The following ZNF521 variants were observed in gnomAD, a reference collection of about 807,000 sequenced individuals.
ZNF521 encodes the protein LYST-interacting protein 3.
ZNF521 carries 14 observed loss-of-function variants against 105.5 expected under a neutral mutation model. The ratio of observed to expected loss-of-function variants is 0.13; its 90% CI spans 0.09 to 0.21. The LOEUF (loss-of-function observed/expected upper bound fraction) is 0.21, where lower values mean the gene tolerates loss of function less well. Among genes scored for constraint, ZNF521 ranks in the 10% least tolerant of loss-of-function variants. The pLI is 1.00. For missense variants in ZNF521, 1,233 were observed against 1,629.7 expected, an observed-to-expected ratio of 0.76 and a Z score of 4.19; for synonymous variants, 635 against 606.0, an observed-to-expected ratio of 1.05 and a Z score of -0.70.
At chr18:25,143,684 A>G (rs1451459447) in intron 5 of ZNF521, among the ~76,000 whole-genome samples, 1 of 152,172 alleles carries the variant, frequency 6.6e-6, no homozygotes, top group Non-Finnish European at 1.5e-5. Flanking sequence ...TATTATTTAA[A>G]AATTTAAAAA....
intron 5 of ZNF521, among the ~76,000 whole-genome samples, chr18:25,114,912 T>C (rs938253159): frequency 1.3e-5 from 2 of 152,254 alleles, no homozygotes; most frequent in African/African-American, 4.8e-5. Context: ...AGAAAATGTA[T>C]GTGCAACGTA....
intron 3 of ZNF521, among the ~76,000 whole-genome samples, chr18:25,258,542 C>CT: frequency 6.6e-6 from 1 of 152,120 alleles, no homozygotes. Flanking sequence ...AAAAGAATAG[C>CT]TTCCCAAGAA....
intron 4 of ZNF521, among the ~76,000 whole-genome samples, chr18:25,197,405 TTTTC>T (rs2035920936): frequency 6.6e-6 from 1 of 151,792 alleles, no homozygotes; most frequent in African/African-American, 2.4e-5. Flanking sequence ...GTGTTAAGGG[TTTTC>T]TTTTTAAAGC....
intron 7 of ZNF521, among the ~76,000 whole-genome samples, chr18:25,064,824 A>G (rs1238690512): frequency 6.6e-6 from 1 of 152,200 alleles, no homozygotes; most frequent in African/African-American, 2.4e-5. Flanking sequence ...TTTGAAAAAG[A>G]TGGATGACAA....
At chr18:25,072,042 G>A (rs2033238477) in intron 7 of ZNF521, among the ~76,000 whole-genome samples, 1 of 152,220 alleles carries the variant, frequency 6.6e-6, no homozygotes, top group Non-Finnish European at 1.5e-5. Flanking sequence ...TGGTGGAGCT[G>A]CAGATATGTC....
At chr18:25,103,687 G>A in intron 5 of ZNF521, among the ~76,000 whole-genome samples, 1 of 151,092 alleles carries the variant, frequency 6.6e-6, no homozygotes, top group South Asian at 2.1e-4. Flanking sequence ...AGTTCCTTCT[G>A]CTGTTTTCTG....
chr18:25,283,926 C>CT (rs1303545978), intron 3 of ZNF521, among the ~76,000 whole-genome samples: 1 of 139,818 alleles, frequency 7.2e-6, no homozygotes, highest in Non-Finnish European at 1.6e-5. Context: ...ATACTTTCCC[C>CT]CCCCCCCAAA....
intron 4 of ZNF521, among the ~76,000 whole-genome samples, chr18:25,211,825 T>A (rs1470193734): frequency 6.6e-6 from 1 of 152,232 alleles, no homozygotes; most frequent in Admixed American, 6.5e-5. Context: ...TTCTTTTATT[T>A]TACTAAAAGG....
At chr18:25,336,895 A>G (rs1913921166) in intron 2 of ZNF521, among the ~76,000 whole-genome samples, 1 of 152,228 alleles carries the variant, frequency 6.6e-6, no homozygotes, top group Non-Finnish European at 1.5e-5. Flanking sequence ...TATCTACCAG[A>G]CACTATTCTA....
intron 3 of ZNF521, among the ~76,000 whole-genome samples, chr18:25,316,759 G>C (rs145018798): frequency 1.3e-5 from 2 of 149,238 alleles, no homozygotes; most frequent in East Asian, 3.9e-4. Flanking sequence ...CCTTCCCAAA[G>C]AAATAATCCT....
chr18:25,303,743 T>C (rs540544312), intron 3 of ZNF521, among the ~76,000 whole-genome samples: 1 of 152,270 alleles, frequency 6.6e-6, no homozygotes, highest in Non-Finnish European at 1.5e-5. Flanking sequence ...GGGCCCAAAC[T>C]CACACTTGGT....
At chr18:25,142,957 T>C (rs900813141) in intron 5 of ZNF521, among the ~76,000 whole-genome samples, 15 of 152,170 alleles carry the variant, frequency 9.9e-5, no homozygotes, top group African/African-American at 3.6e-4. Flanking sequence ...TCCAAAGATA[T>C]TAATCTGACT....
intron 3 of ZNF521, among the ~76,000 whole-genome samples, chr18:25,316,739 G>C (rs913854506): frequency 6.6e-6 from 1 of 151,200 alleles, no homozygotes; most frequent in Admixed American, 6.6e-5. Context: ...TTTGCCTCCC[G>C]AATCTACCAC....
chr18:25,308,659 C>A (rs111743687), intron 3 of ZNF521, among the ~76,000 whole-genome samples: 9,173 of 145,080 alleles, frequency 0.063, 529 homozygotes, highest in African/African-American at 0.098. Context: ...TCCCCCCCCC[C>A]CCACCCGCCA....
chr18:25,078,954 C>T (rs781480801), intron 7 of ZNF521, among the ~76,000 whole-genome samples: 6 of 152,228 alleles, frequency 3.9e-5, no homozygotes, highest in Non-Finnish European at 7.3e-5. Context: ...TGACCCTCTG[C>T]CGGCTCTGGG....
intron 4 of ZNF521, among the ~76,000 whole-genome samples, chr18:25,223,613 A>G (rs1439589146): frequency 2.6e-5 from 4 of 152,138 alleles, no homozygotes; most frequent in African/African-American, 9.7e-5. Context: ...TGACTTATGA[A>G]ATGATTTCAT....
chr18:25,336,465 G>A (rs10164072), intron 2 of ZNF521, among the ~76,000 whole-genome samples: 69,533 of 152,004 alleles, frequency 0.46, 16,269 homozygotes, highest in Middle Eastern at 0.51. Flanking sequence ...CCTTTTGCAA[G>A]GAACCTAAAA....
intron 5 of ZNF521, among the ~76,000 whole-genome samples, chr18:25,140,418 T>C (rs1273670850): frequency 6.6e-6 from 1 of 152,218 alleles, no homozygotes; most frequent in African/African-American, 2.4e-5. Context: ...AAGTGTGCAA[T>C]GACGGCAGGA....
At chr18:25,089,604 A>G in intron 6 of ZNF521, 24 bp from the exon 7 acceptor site, 1 of 1,595,642 alleles carries the variant, frequency 6.3e-7, no homozygotes, top group South Asian at 1.1e-5. Flanking sequence ...AGAATGATGA[A>G]CTTGGGTTAT....
Sources: allele counts gnomAD v4.1 joint callset (sites outside exome capture counted in the v4.1 genomes callset), GRCh38; gene constraint gnomAD v4.1.1; transcripts MANE v1.5; gene names NCBI Gene and HGNC (gene_info 2026-07-23, HGNC 2026-07-21).